SDK1: variants seen among roughly 807,000 people sequenced by gnomAD.
SDK1 encodes the protein protein sidekick-1.
Under a neutral mutation model 245.5 loss-of-function variants are expected in SDK1, and 157 were observed. That is an observed-to-expected ratio of 0.64 (90% CI 0.56 to 0.73). The LOEUF (loss-of-function observed/expected upper bound fraction) is 0.73, where lower values mean the gene tolerates loss of function less well. SDK1 is among the 30% of genes least tolerant of loss of function. The pLI is 0.00. For synonymous variants in SDK1, 1,647 were observed against 1,278.5 expected (o/e 1.29, Z -6.15); for missense variants, 3,583 against 3,002.3 (o/e 1.19, Z -4.52).
rs75038130 is a variant in SDK1, at chr7:3,359,171, G to A, written c.298+57287G>A. 2.6e-5 allele frequency among the ~76,000 whole-genome samples: 4 copies of A among 152,224 alleles called. No homozygotes were observed. In the East Asian group the frequency reaches 7.8e-4, roughly 30 times the overall value. On this transcript the variant is annotated intron_variant, in intron 1 of 44. Coordinates refer to ENST00000404826, the MANE Select transcript of SDK1 (RefSeq NM_152744.4). ...CTTTTCTGTAGGAGTAGCAGGGAGA[G>A]ACTGCCTCTTCTGGTTGGATTGCTA...
chr7:3,909,296 G>C (rs189799635), intron 5 of SDK1, among the ~76,000 whole-genome samples: 2 of 152,050 alleles, frequency 1.3e-5, no homozygotes, highest in Non-Finnish European at 2.9e-5. Flanking sequence ...CCAGATGGCC[G>C]CCAATAACTC....
chr7:3,688,039 A>T (rs1784341249), intron 4 of SDK1, among the ~76,000 whole-genome samples: 1 of 152,164 alleles, frequency 6.6e-6, no homozygotes, highest in Non-Finnish European at 1.5e-5. Flanking sequence ...AGAGGAAACT[A>T]CTCTGGAAAG....
chr7:3,903,315 TTG>T (rs1781854670), intron 5 of SDK1, among the ~76,000 whole-genome samples: 1 of 152,012 alleles, frequency 6.6e-6, no homozygotes, highest in Non-Finnish European at 1.5e-5. Context: ...GGCTAATTTT[TTG>T]TGTTTTTAGT....
At chr7:4,077,320 A>T (rs556737761) in intron 21 of SDK1, 131 bp downstream of exon 21, 6 of 835,550 alleles carry the variant, frequency 7.2e-6, no homozygotes, top group Middle Eastern at 3.6e-4. Context: ...TCCTGCCAAG[A>T]TGCTGGAGGG....
intron 1 of SDK1, among the ~76,000 whole-genome samples, chr7:3,506,342 G>C (rs1782391894): frequency 6.6e-6 from 1 of 152,122 alleles, no homozygotes; most frequent in Non-Finnish European, 1.5e-5. Flanking sequence ...TGAAAAGTCA[G>C]TAATCACTCT....
intron 5 of SDK1, among the ~76,000 whole-genome samples, chr7:3,881,783 A>G (rs1055367387): frequency 1.3e-5 from 2 of 152,094 alleles, no homozygotes; most frequent in Non-Finnish European, 1.5e-5. Flanking sequence ...GTTCCTATAA[A>G]TGGTTCTTCT....
intron 1 of SDK1, among the ~76,000 whole-genome samples, chr7:3,317,227 T>G (rs1258601338): frequency 2.0e-5 from 3 of 147,126 alleles, no homozygotes; most frequent in Non-Finnish European, 4.5e-5. Flanking sequence ...TGGGAGTGCT[T>G]AATAAACATT....
chr7:3,647,855 C>T (rs1782898173), intron 4 of SDK1, among the ~76,000 whole-genome samples: 1 of 152,038 alleles, frequency 6.6e-6, no homozygotes, highest in South Asian at 2.1e-4. Flanking sequence ...GTGTAATGTC[C>T]ACAGACATCT....
chr7:3,403,120 A>T (rs1002679001), intron 1 of SDK1, among the ~76,000 whole-genome samples: 1 of 151,906 alleles, frequency 6.6e-6, no homozygotes, highest in Non-Finnish European at 1.5e-5. Flanking sequence ...TTTTAGTAGA[A>T]ACAGGGTTTC....
intron 35 of SDK1, among the ~76,000 whole-genome samples, chr7:4,203,581 A>G (rs1300484228): frequency 6.6e-6 from 1 of 151,870 alleles, no homozygotes; most frequent in African/African-American, 2.4e-5. Flanking sequence ...CTTACACCGC[A>G]AATGCTAAGG....
At chr7:4,252,240 A>G (rs1332344044) in intron 44 of SDK1, among the ~76,000 whole-genome samples, 2 of 119,034 alleles carry the variant, frequency 1.7e-5, no homozygotes, top group Non-Finnish European at 1.6e-5. Context: ...CCAGTGTGTG[A>G]TGTTCCCCTT....
chr7:3,801,363 T>C (rs1779102166), intron 4 of SDK1, among the ~76,000 whole-genome samples: 1 of 152,218 alleles, frequency 6.6e-6, no homozygotes, highest in South Asian at 2.1e-4. Flanking sequence ...AAGGTTATAA[T>C]TAAAAGCATG....
chr7:3,678,604 T>C (rs918055021), intron 4 of SDK1, among the ~76,000 whole-genome samples: 6 of 152,210 alleles, frequency 3.9e-5, no homozygotes, highest in African/African-American at 9.7e-5. Flanking sequence ...GAAAGTAGAA[T>C]AGAAGTCATC....
intron 1 of SDK1, among the ~76,000 whole-genome samples, chr7:3,383,037 T>C (rs1343774116): frequency 6.6e-6 from 1 of 152,150 alleles, no homozygotes; most frequent in African/African-American, 2.4e-5. Flanking sequence ...AATCACCCAC[T>C]CTCCCACTTT....
At chr7:3,509,085 C>CGT (rs142827941) in intron 1 of SDK1, among the ~76,000 whole-genome samples, 43,095 of 149,302 alleles carry the variant, frequency 0.29, 6,413 homozygotes, top group African/African-American at 0.35. Context: ...TGTGTGTGTG[C>CGT]GTGTGTGTGT....
intron 1 of SDK1, among the ~76,000 whole-genome samples, chr7:3,586,486 A>T (rs907709394): frequency 2.5e-4 from 38 of 151,752 alleles, no homozygotes; most frequent in African/African-American, 9.2e-4. Flanking sequence ...TCACGAGGTC[A>T]GGAGATCGAG....
chr7:3,755,408 A>G lies in SDK1; in HGVS notation c.714-66042A>G, dbSNP rs142983697. On this transcript the variant is annotated intron_variant, in intron 4 of 44. Coordinates refer to ENST00000404826, the MANE Select transcript of SDK1 (RefSeq NM_152744.4). ...TTCTCACGCGGGTGGGAGTTGACAT[A>G]CACGGTCTGGCCATTGTCTGTCTGC... Among the ~76,000 whole-genome samples the G allele has an allele frequency of 1.7e-3, 264 of 152,290 alleles. 2 individuals are homozygous for G. Among genetic ancestry groups the G allele is most frequent in the African/African-American group, 6.2e-3 (259 of 41,554 alleles).
chr7:3,555,890 G>A (rs573431776), intron 1 of SDK1, among the ~76,000 whole-genome samples: 1 of 152,208 alleles, frequency 6.6e-6, no homozygotes, highest in South Asian at 2.1e-4. Context: ...CAGTTAAAAT[G>A]GCTTTTATCT....
At chr7:3,920,253 C>G (rs752338148) in intron 5 of SDK1, among the ~76,000 whole-genome samples, 6 of 152,120 alleles carry the variant, frequency 3.9e-5, no homozygotes, top group Non-Finnish European at 8.8e-5. Flanking sequence ...AGATCTTAGC[C>G]TAGGGGTGTT....
Sources: gnomAD v4.1 joint callset for allele counts (sites outside exome capture counted in the v4.1 genomes callset) on GRCh38, gnomAD v4.1.1 for gene constraint, MANE v1.5 for transcripts, NCBI Gene and HGNC (gene_info 2026-07-23, HGNC 2026-07-21) for gene names.